OPRM1: variants seen among roughly 807,000 people sequenced by gnomAD.
OPRM1 encodes the protein mu-type opioid receptor.
OPRM1 carries 27 observed loss-of-function variants against 31.8 expected under a neutral mutation model. That is an observed-to-expected ratio of 0.85 (90% CI 0.63 to 1.17). The LOEUF (loss-of-function observed/expected upper bound fraction) is 1.17, where lower values mean the gene tolerates loss of function less well. Among genes scored for constraint, OPRM1 ranks in the 50% most tolerant of loss-of-function variants. The pLI is 0.00. For missense variants in OPRM1, 536 were observed against 511.1 expected (o/e 1.05, Z -0.47); for synonymous variants, 196 against 189.9 (o/e 1.03, Z -0.26).
At chr6:154,180,412 A>AT (rs1301879776) in intron 3 of OPRM1, among the ~76,000 whole-genome samples, 921 of 50,704 alleles carry the variant, frequency 0.018, 6 homozygotes, top group Middle Eastern at 0.042. Flanking sequence ...ATATATATAT[A>AT]TATTTTTTTT....
intron 3 of OPRM1, among the ~76,000 whole-genome samples, chr6:154,198,109 C>T (rs1040823): frequency 6.6e-6 from 1 of 151,990 alleles, no homozygotes; most frequent in Non-Finnish European, 1.5e-5. Flanking sequence ...GAGTAAAGAC[C>T]TCCAGTGATA....
At chr6:154,137,761 CTGGAAAACT>C (rs1798094575) in intron 3 of OPRM1, among the ~76,000 whole-genome samples, 1 of 152,120 alleles carries the variant, frequency 6.6e-6, no homozygotes, top group African/African-American at 2.4e-5. Context: ...CACAATTGGC[CTGGAAAACT>C]TCACAGGTAA....
Position 154,122,364 on chromosome 6 carries a change from A to G in OPRM1, c.*3643A>G, listed in dbSNP as rs1200890911. ...CACAGGCCTATTGCTTGGTTTCAGA[A>G]GAGTGAGAACATGAAAGTTCATAAA... On this transcript the variant is annotated 3_prime_UTR_variant, in exon 4 of 4. Transcript: ENST00000330432. 2.0e-5 allele frequency among the ~76,000 whole-genome samples: 3 copies of G among 152,166 alleles called. No individual in the cohort carries two copies. Among genetic ancestry groups the G allele is most frequent in the African/African-American group, 7.2e-5 (3 of 41,426 alleles).
chr6:154,239,888 A>AG (rs34393436), intron 3 of OPRM1, among the ~76,000 whole-genome samples: 1 of 152,042 alleles, frequency 6.6e-6, no homozygotes, highest in African/African-American at 2.4e-5. Flanking sequence ...TTTTTAGTAG[A>AG]GGGGGGTTTC....
In OPRM1 at chr6:154,168,449, T is replaced by A. The variant is rs1799611276; in HGVS notation, c.1164+76977T>A. ...GTCTCTGTGTCCAAACTCCCCCTAT[T>A]TATGAGGGTATCAGTCATGTTGGAT... On this transcript the variant is annotated intron_variant, in intron 3 of 3. Coordinates refer to the OPRM1 transcript ENST00000337049. This position sits in a 1 kb window ranked among gnomAD's most constrained non-coding sequence, Gnocchi z 4.1. 6.6e-6 allele frequency among the ~76,000 whole-genome samples: 1 copy of A among 152,130 alleles called. No individual in the cohort carries two copies. The highest frequency in any genetic ancestry group is 2.4e-5 in the African/African-American group (1 of 41,434).
chr6:154,160,096 T>C (rs1427655538), intron 3 of OPRM1: 4 of 1,335,732 alleles, frequency 3.0e-6, no homozygotes, highest in African/African-American at 2.9e-5. Flanking sequence ...TTAATTTACA[T>C]AAACCATCTT....
chr6:154,204,696 G>A (rs1354442334), intron 3 of OPRM1, among the ~76,000 whole-genome samples: 4 of 152,120 alleles, frequency 2.6e-5, no homozygotes, highest in African/African-American at 9.7e-5. Flanking sequence ...TACCATTCTA[G>A]TGGCTTCCTG....
At chr6:154,088,906 G>A (rs936214207) in intron 1 of OPRM1, among the ~76,000 whole-genome samples, 6 of 152,018 alleles carry the variant, frequency 3.9e-5, no homozygotes, top group African/African-American at 1.5e-4. Context: ...ATCTTTGTTG[G>A]GGTTCTCTCT....
At position 154,091,560 on chromosome 6, in the gene OPRM1, T is replaced by C. The variant is rs201568984; in HGVS notation, c.1164+88T>C. On this transcript the variant is annotated intron_variant, in intron 3 of 3. Coordinates refer to ENST00000330432, the MANE Select transcript of OPRM1 (RefSeq NM_000914.5). ...GCTAAACTAGGAGTTTAATCCATTA[T>C]AGAGGATGAGAATGGAGGGAAGAGG... 2.1e-4 allele frequency: 318 copies of C among 1,481,924 alleles called. 1 individual carries two copies. Among genetic ancestry groups the C allele is most frequent in the Non-Finnish European group, 2.8e-4 (316 of 1,124,942 alleles). 91.8% of individuals were successfully genotyped at this position (1,481,924 alleles called of 1,614,324 possible). A position where few individuals can be genotyped will look rare whatever the true frequency, so the allele number is the denominator to read the frequency against.
chr6:154,218,598 A>G (rs1199631697), intron 3 of OPRM1, among the ~76,000 whole-genome samples: 1 of 152,238 alleles, frequency 6.6e-6, no homozygotes, highest in Non-Finnish European at 1.5e-5. Flanking sequence ...TGCATCAGTA[A>G]GAAGGGAAGT....
At chr6:154,054,829 G>C (rs1262309837) in intron 1 of OPRM1, among the ~76,000 whole-genome samples, 1 of 152,142 alleles carries the variant, frequency 6.6e-6, no homozygotes, top group African/African-American at 2.4e-5. Flanking sequence ...TTGCATGCCT[G>C]TATCAAAACA....
chr6:154,208,157 TAAC>T (rs1284764075), intron 3 of OPRM1, among the ~76,000 whole-genome samples: 11 of 152,274 alleles, frequency 7.2e-5, no homozygotes, highest in African/African-American at 2.6e-4. Context: ...CTAAAGTCCT[TAAC>T]TGGCCCATAT....
chr6:154,010,809 A>G, exon 1 of OPRM1: 1 of 1,400,512 alleles, frequency 7.1e-7, no homozygotes, highest in East Asian at 2.8e-5. Flanking sequence ...CTGCTCTGAG[A>G]TGATAGAAAA....
chr6:154,140,489 C>G (rs1174707664), intron 3 of OPRM1, among the ~76,000 whole-genome samples: 1 of 152,124 alleles, frequency 6.6e-6, no homozygotes, highest in Non-Finnish European at 1.5e-5. Flanking sequence ...TGCCACCACA[C>G]CAGCTAATTT....
chr6:154,164,948 GA>G (rs1799310052), intron 3 of OPRM1, among the ~76,000 whole-genome samples: 1 of 152,152 alleles, frequency 6.6e-6, no homozygotes, highest in Non-Finnish European at 1.5e-5. Flanking sequence ...GAATTTCCCT[GA>G]AGTGCATTCA....
At chr6:154,030,889 A>G (rs1379181094) in intron 1 of OPRM1, among the ~76,000 whole-genome samples, 1 of 152,152 alleles carries the variant, frequency 6.6e-6, no homozygotes, top group Non-Finnish European at 1.5e-5. Flanking sequence ...TTGTTCTTAC[A>G]TGAAAGCAGT....
chr6:154,140,038 C>T (rs1268678104), intron 3 of OPRM1, among the ~76,000 whole-genome samples: 2 of 152,148 alleles, frequency 1.3e-5, no homozygotes, highest in Non-Finnish European at 2.9e-5. Flanking sequence ...TTGAGAAAAC[C>T]AGAACGGAGG....
At chr6:154,162,407 A>G (rs1028874797) in intron 3 of OPRM1, among the ~76,000 whole-genome samples, 3 of 152,326 alleles carry the variant, frequency 2.0e-5, no homozygotes, top group South Asian at 2.1e-4. Context: ...ACCATTCACC[A>G]AAACTGCTCT....
At chr6:154,148,555 T>C (rs1798415599) in intron 3 of OPRM1, among the ~76,000 whole-genome samples, 1 of 152,210 alleles carries the variant, frequency 6.6e-6, no homozygotes, top group Non-Finnish European at 1.5e-5. Flanking sequence ...GGCTGAGTCA[T>C]CCTGCCTGTG....
Sources: gnomAD v4.1 joint callset for allele counts (sites outside exome capture counted in the v4.1 genomes callset) on GRCh38, gnomAD v4.1.1 for gene constraint, Gnocchi (gnomAD v3.1) non-coding constraint, MANE v1.5 for transcripts, NCBI Gene and HGNC (gene_info 2026-07-23, HGNC 2026-07-21) for gene names.